The following TAF1B variants were observed in gnomAD, a reference collection of about 807,000 sequenced individuals.
TAF1B encodes TATA-box binding protein associated factor, RNA polymerase I subunit B.
Under a neutral mutation model 83.9 loss-of-function variants are expected in TAF1B, and 61 were observed. The ratio of observed to expected loss-of-function variants is 0.73; its 90% CI spans 0.59 to 0.90. TAF1B has a LOEUF of 0.90. Ranked by LOEUF, TAF1B falls within the 40% of genes least tolerant of loss-of-function variation. The pLI, the probability that TAF1B is intolerant of heterozygous loss-of-function variation, is 0.00. For missense variants in TAF1B, 625 were observed against 677.0 expected (o/e 0.92, Z 0.85); for synonymous variants, 221 against 224.6 (o/e 0.98, Z 0.14).
At chr2:9,909,583 A>T (rs1482946499) in intron 9 of TAF1B, among the ~76,000 whole-genome samples, 3 of 152,152 alleles carry the variant, frequency 2.0e-5, no homozygotes, top group Non-Finnish European at 4.4e-5. Context: ...AGAGCAGGGG[A>T]ATACGATGAT....
At chr2:9,902,039 A>G (rs1294538110) in intron 8 of TAF1B, among the ~76,000 whole-genome samples, 3 of 152,308 alleles carry the variant, frequency 2.0e-5, no homozygotes, top group Admixed American at 6.5e-5. Context: ...AGCTATTGAA[A>G]TAGTTGTACC....
rs965713560 is a variant in TAF1B at position 9,914,335 on chromosome 2, C to T, written c.1271+1086C>T. 1.3e-5 allele frequency among the ~76,000 whole-genome samples: 2 copies of T among 152,216 alleles called. No homozygotes were observed. The highest frequency in any genetic ancestry group is 4.8e-5 in the African/African-American group (2 of 41,544). On this transcript the variant is annotated intron_variant, in intron 12 of 14. Coordinates refer to ENST00000263663, the MANE Select transcript of TAF1B (RefSeq NM_005680.3). The surrounding 1 kb of genome is among the most constrained non-coding windows in gnomAD (Gnocchi z 4.3). ...CAGGAAACCAGGCTCCCTGCCTCCT[C>T]ATCAGAGAAGGAGTGACTCTTCAGT...
intron 12 of TAF1B, among the ~76,000 whole-genome samples, chr2:9,917,553 A>G (rs1665719564): frequency 6.6e-6 from 1 of 152,224 alleles, no homozygotes; most frequent in Non-Finnish European, 1.5e-5. Context: ...ACCAATACAT[A>G]CAGCATCTTA....
rs1558239895 is a variant in TAF1B at position 9,868,276 on chromosome 2, G to T, written c.400G>T (p.Val134Leu). ...TTTATTTATATTGTTTTGCAAACAG[G>T]TATTAGAAGATAATCTAAGTCATTC... ...PVYTTGRKPTVLEDNLSHSDW... is the reference protein window; with the variant it reads ...PVYTTGRKPTLLEDNLSHSDW... The change falls in exon 6 of 15, where the codon GTA (valine) becomes TTA (leucine). Residue 134 changes from valine to leucine, a missense_variant and splice_region_variant. Physicochemically the swap from Val to Leu is conservative, Grantham distance 32. Coordinates refer to ENST00000263663, the MANE Select transcript of TAF1B (RefSeq NM_005680.3). 1 of 1,613,918 alleles carries T rather than the reference G, an allele frequency of 6.2e-7. No homozygotes were observed. The highest frequency in any genetic ancestry group is 2.2e-5 in the East Asian group (1 of 44,892).
intron 6 of TAF1B, among the ~76,000 whole-genome samples, chr2:9,871,162 C>G (rs959282209): frequency 6.6e-6 from 1 of 152,174 alleles, no homozygotes; most frequent in South Asian, 2.1e-4. Flanking sequence ...TCACTGCAAG[C>G]TCCACCTCCT....
chr2:9,903,440 G>A (rs1182258559), intron 8 of TAF1B, among the ~76,000 whole-genome samples: 1 of 152,096 alleles, frequency 6.6e-6, no homozygotes, highest in African/African-American at 2.4e-5. Flanking sequence ...ACTACATGCA[G>A]TATTAATATT....
intron 1 of TAF1B, chr2:9,844,237 A>AC (rs199918391): frequency 0.063 from 9,646 of 152,070 alleles, 341 homozygotes; most frequent in African/African-American, 0.082. Flanking sequence ...TGCAGCCTCG[A>AC]ATCCTGGGCT....
intron 8 of TAF1B, among the ~76,000 whole-genome samples, chr2:9,883,924 C>T (rs12468621): frequency 6.6e-6 from 1 of 152,150 alleles, no homozygotes; most frequent in Non-Finnish European, 1.5e-5. Context: ...GCTGGAAAAC[C>T]TTTGTGGCCG....
chr2:9,920,578 G>A (rs1485681095), intron 14 of TAF1B, among the ~76,000 whole-genome samples: 1 of 118,866 alleles, frequency 8.4e-6, no homozygotes, highest in Admixed American at 9.2e-5. Flanking sequence ...GTAGACTGGG[G>A]CGGGGGGCGG....
intron 9 of TAF1B, among the ~76,000 whole-genome samples, chr2:9,909,577 C>T (rs966822730): frequency 1.3e-5 from 2 of 152,074 alleles, no homozygotes; most frequent in Non-Finnish European, 2.9e-5. Flanking sequence ...TTCATGAGAG[C>T]AGGGGAATAC....
chr2:9,933,726 G>C lies in TAF1B; in HGVS notation c.1566-57G>C, dbSNP rs1666287925. ...TTTGGGGGGATGTTCAGGGGTTAGT[G>C]TGTGCATTTCTTGGTTACCATCTAA... On this transcript the variant is annotated intron_variant, in intron 14 of 14. Coordinates refer to ENST00000263663, the MANE Select transcript of TAF1B (RefSeq NM_005680.3). The C allele has an allele frequency of 3.5e-6, 5 of 1,412,206 alleles. No homozygotes were observed. In the Admixed American group the frequency reaches 7.4e-5, roughly 21 times the overall value. 87.5% of individuals were successfully genotyped at this position (1,412,206 alleles called of 1,614,324 possible).
At chr2:9,873,070 C>G (rs74569599) in intron 6 of TAF1B, among the ~76,000 whole-genome samples, 1,763 of 152,206 alleles carry the variant, frequency 0.012, 35 homozygotes, top group African/African-American at 0.04. Context: ...TTCCTTGACC[C>G]GAAACCTTTG....
intron 14 of TAF1B, among the ~76,000 whole-genome samples, chr2:9,930,415 G>A (rs903134114): frequency 3.3e-5 from 5 of 150,284 alleles, no homozygotes; most frequent in East Asian, 3.9e-4. Flanking sequence ...TCTTTATTTC[G>A]TTATTTACCC....
At chr2:9,870,096 TAAAGTA>T (rs1664119357) in intron 6 of TAF1B, among the ~76,000 whole-genome samples, 1 of 144,238 alleles carries the variant, frequency 6.9e-6, no homozygotes, top group South Asian at 2.2e-4. Context: ...TTTAAAAACT[TAAAGTA>T]TAATAATAAA....
intron 8 of TAF1B, among the ~76,000 whole-genome samples, chr2:9,886,109 C>T (rs1664665981): frequency 7.3e-6 from 1 of 137,248 alleles, no homozygotes; most frequent in South Asian, 2.3e-4. Context: ...ATTCAAAATG[C>T]AGACATATTG....
At chr2:9,854,502 G>C in intron 5 of TAF1B, 81 bp downstream of exon 5, 1 of 959,026 alleles carries the variant, frequency 1.0e-6, no homozygotes, top group Non-Finnish European at 1.6e-6. Context: ...TGACCAGTTT[G>C]AGTATCTGAG....
rs116486518 is a variant in TAF1B, at chr2:9,856,758, A to G, written c.399+2337A>G. On this transcript the variant is annotated intron_variant, in intron 5 of 14. Coordinates refer to ENST00000263663, the MANE Select transcript of TAF1B (RefSeq NM_005680.3). Reference sequence around the variant, plus strand: ...AATTCTCGTGTAAAGCAATATTAGCATCACGCTAAAATCTTGGTGAATAAA... The same window carrying G: ...AATTCTCGTGTAAAGCAATATTAGCGTCACGCTAAAATCTTGGTGAATAAA... Among the ~76,000 whole-genome samples the G allele has an allele frequency of 3.3e-3, 508 of 152,362 alleles. 5 individuals are homozygous for G. Among genetic ancestry groups the G allele is most frequent in the African/African-American group, 0.012 (489 of 41,588 alleles).
At chr2:9,856,117 A>T (rs1016563331) in intron 5 of TAF1B, among the ~76,000 whole-genome samples, 5 of 152,140 alleles carry the variant, frequency 3.3e-5, no homozygotes, top group Non-Finnish European at 4.4e-5. Flanking sequence ...GTACTGAGAA[A>T]CCCAGGTCTG....
At chr2:9,878,131 G>C (rs1225549595) in intron 7 of TAF1B, among the ~76,000 whole-genome samples, 1 of 151,968 alleles carries the variant, frequency 6.6e-6, no homozygotes, top group African/African-American at 2.4e-5. Flanking sequence ...TGAATTCTTA[G>C]ACCTATCCTA....
Sources: allele counts gnomAD v4.1 joint callset (sites outside exome capture counted in the v4.1 genomes callset), GRCh38; gene constraint gnomAD v4.1.1; non-coding constraint Gnocchi (gnomAD v3.1); transcripts MANE v1.5; gene names NCBI Gene and HGNC (gene_info 2026-07-23, HGNC 2026-07-21).